DRAXIN: variants seen among roughly 807,000 people sequenced by gnomAD.
DRAXIN encodes dorsal inhibitory axon guidance protein.
A neutral mutation model predicts 33.9 loss-of-function variants in DRAXIN; 27 were observed. That is an observed-to-expected ratio of 0.80 (90% CI 0.59 to 1.10). DRAXIN has a LOEUF of 1.10. Ranked by LOEUF, DRAXIN falls within the 50% of genes least tolerant of loss-of-function variation. The probability of loss-of-function intolerance (pLI) is 0.00; values close to 1 mark genes in which losing one functional copy is unlikely to be tolerated. For missense variants in DRAXIN, 371 were observed against 460.8 expected (o/e 0.81, Z 1.78); for synonymous variants, 178 against 194.0 (o/e 0.92, Z 0.69).
At chr1:11,698,470 A>G (rs188896755) in intron 1 of DRAXIN, among the ~76,000 whole-genome samples, 216 of 152,326 alleles carry the variant, frequency 1.4e-3, no homozygotes, top group Non-Finnish European at 2.6e-3. Context: ...TCCGGACTGC[A>G]CTGCCCATCT....
chr1:11,725,282 C>T lies in DRAXIN; in HGVS notation c.*5586C>T, dbSNP rs1215797643. ...AGTGAGCCATGATCGCACCACTGCACTCCAGCTTAGGCAATACAGCGAGAC... is the reference window on the plus strand; with the variant it reads ...AGTGAGCCATGATCGCACCACTGCATTCCAGCTTAGGCAATACAGCGAGAC... On this transcript the variant is annotated 3_prime_UTR_variant, in exon 7 of 7. Coordinates refer to ENST00000294485, the MANE Select transcript of DRAXIN (RefSeq NM_198545.4). The T allele has an allele frequency of 6.6e-6, 1 of 152,196 alleles. No homozygotes were observed. Among genetic ancestry groups the T allele is most frequent in the Non-Finnish European group, 1.5e-5 (1 of 68,072 alleles). 9.4% of individuals were successfully genotyped at this position (152,196 alleles called of 1,614,324 possible). A position where few individuals can be genotyped will look rare whatever the true frequency, so the allele number is the denominator to read the frequency against.
intron 2 of DRAXIN, among the ~76,000 whole-genome samples, chr1:11,708,338 G>A (rs1275474523): frequency 1.3e-5 from 2 of 152,212 alleles, no homozygotes; most frequent in African/African-American, 2.4e-5. Context: ...CAGGCTGGGC[G>A]TGGTGGCTCA....
intron 6 of DRAXIN, among the ~76,000 whole-genome samples, chr1:11,715,418 A>T (rs1453076678): frequency 1.3e-5 from 2 of 152,028 alleles, no homozygotes; most frequent in Non-Finnish European, 2.9e-5. Flanking sequence ...CAATCTGTGA[A>T]CTCATTTAGT....
chr1:11,700,263 A>G (rs1300909064), intron 1 of DRAXIN, among the ~76,000 whole-genome samples: 1 of 152,232 alleles, frequency 6.6e-6, no homozygotes, highest in East Asian at 1.9e-4. Context: ...AAAGTAAACC[A>G]ATGAGAAAAA....
chr1:11,717,507 C>T (rs1160666528), intron 6 of DRAXIN, among the ~76,000 whole-genome samples: 1 of 151,214 alleles, frequency 6.6e-6, no homozygotes, highest in African/African-American at 2.4e-5. Context: ...ACTAAAAATA[C>T]AAAAATTAGC....
At position 11,706,332 on chromosome 1, in the gene DRAXIN, C is replaced by T. The variant is rs1186383923; in HGVS notation, c.74C>T (p.Ala25Val). 1 of 1,613,828 alleles carries T rather than the reference C, an allele frequency of 6.2e-7. No individual in the cohort carries two copies. The change falls in exon 2 of 7, where the codon GCA becomes GTA. Residue 25 changes from alanine (A) to valine (V), a missense_variant. Physicochemically the swap from Ala to Val is moderately conservative, Grantham distance 64 (BLOSUM62 0). Coordinates refer to ENST00000294485, the MANE Select transcript of DRAXIN (RefSeq NM_198545.4). The surrounding 1 kb of genome is among the most constrained non-coding windows in gnomAD (Gnocchi z 5.5). The stretch of plus-strand genomic sequence containing the variant: ...CTGCTGCCCCTGGAGCTGAGCCTGG[C>T]AGGCGCCCTTGCACCTGGGACCCCT... ...VLLLPLELSL[A>V]GALAPGTPAR... is the part of the protein sequence containing the mutation.
intron 1 of DRAXIN, among the ~76,000 whole-genome samples, chr1:11,699,876 G>A (rs149687744): frequency 0.02 from 3,111 of 152,118 alleles, 96 homozygotes; most frequent in African/African-American, 0.071. Flanking sequence ...GAAGTGAGCC[G>A]AGATGGCGCC....
At chr1:11,687,087 A>G (rs1438731151), upstream of DRAXIN, among the ~76,000 whole-genome samples, 6 of 151,764 alleles carry the variant, frequency 4.0e-5, no homozygotes, top group Admixed American at 3.9e-4. This position sits in a 1 kb window ranked among gnomAD's most constrained non-coding sequence, Gnocchi z 4.1. Context: ...TTTTTTGGAG[A>G]CAGGGTCTCA....
At chr1:11,700,547 C>T (rs1158903408) in intron 1 of DRAXIN, among the ~76,000 whole-genome samples, 1 of 152,232 alleles carries the variant, frequency 6.6e-6, no homozygotes, top group Non-Finnish European at 1.5e-5. Flanking sequence ...ATTTTTACTA[C>T]AGTTTTCAAA....
chr1:11,711,831 C>G lies in DRAXIN; in HGVS notation c.643-20C>G, dbSNP rs1431100991. On this transcript the variant is annotated intron_variant, in intron 3 of 6. Transcript: ENST00000294485. ...CATGGATTTGAAGGTTCCAACATCCCCCTTCTCCACGGTCTCCAGCAGGCA... is the reference window on the plus strand; with the variant it reads ...CATGGATTTGAAGGTTCCAACATCCGCCTTCTCCACGGTCTCCAGCAGGCA... 2.5e-6 allele frequency: 4 copies of G among 1,599,198 alleles called. No individual in the cohort carries two copies. The highest frequency in any genetic ancestry group is 3.4e-6 in the Non-Finnish European group (4 of 1,170,564).
rs1192714622 is a variant in DRAXIN, at chr1:11,719,854, G to A, written c.*158G>A. On this transcript the variant is annotated 3_prime_UTR_variant, in exon 7 of 7. Transcript: ENST00000294485. ...CCAGGAGGGGAGCCGCTCGGCGAAT[G>A]AGCTGGGTGGGTGCCCAGGAGCCGG... The A allele has an allele frequency of 1.0e-5, 7 of 692,202 alleles. No individual in the cohort carries two copies. The East Asian group carries it at 1.7e-4, about 17-fold the overall frequency. 42.9% of individuals were successfully genotyped at this position (692,202 alleles called of 1,614,324 possible).
intron 2 of DRAXIN, among the ~76,000 whole-genome samples, chr1:11,707,968 C>A (rs1235019477): frequency 1.3e-5 from 2 of 152,206 alleles, no homozygotes; most frequent in Non-Finnish European, 2.9e-5. Flanking sequence ...GGTTCTTTGG[C>A]AGGAAGGCAA....
In DRAXIN at chr1:11,696,830, C is replaced by G. The variant is rs1206356471; in HGVS notation, c.-11+4977C>G. 6.6e-6 allele frequency among the ~76,000 whole-genome samples: 1 copy of G among 151,884 alleles called. No individual in the cohort carries two copies. The highest frequency in any genetic ancestry group is 1.5e-5 in the Non-Finnish European group (1 of 67,978). On this transcript the variant is annotated intron_variant, in intron 1 of 6. Transcript: ENST00000294485. The surrounding 1 kb of genome is among the most constrained non-coding windows in gnomAD (Gnocchi z 4.7). ...TGAGCCAAGATCGCGCCACTGCACT[C>G]CAGCCTGGTGACAGAGCAAGACTCT...
At chr1:11,711,340 C>G (rs2100740746) in intron 3 of DRAXIN, among the ~76,000 whole-genome samples, 1 of 151,838 alleles carries the variant, frequency 6.6e-6, no homozygotes, top group African/African-American at 2.4e-5. Flanking sequence ...GTGTGTAGAT[C>G]CAGCTATTGC....
chr1:11,711,319 C>G (rs1419233754), intron 3 of DRAXIN, among the ~76,000 whole-genome samples: 1 of 152,206 alleles, frequency 6.6e-6, no homozygotes, highest in Non-Finnish European at 1.5e-5. Flanking sequence ...CCCTAGTGCT[C>G]GCACATGCCC....
At chr1:11,701,968 G>C (rs1641281349) in intron 1 of DRAXIN, among the ~76,000 whole-genome samples, 1 of 152,132 alleles carries the variant, frequency 6.6e-6, no homozygotes, top group South Asian at 2.1e-4. Context: ...CTTGGAGAGA[G>C]GGGCCCGTGT....
intron 1 of DRAXIN, among the ~76,000 whole-genome samples, chr1:11,697,907 A>G (rs890631985): frequency 2.6e-5 from 4 of 152,110 alleles, no homozygotes. Context: ...AGCCACAGGG[A>G]GGCAGGGAGA....
chr1:11,708,664 T>C (rs1253996841), intron 2 of DRAXIN, among the ~76,000 whole-genome samples: 1 of 152,166 alleles, frequency 6.6e-6, no homozygotes, highest in African/African-American at 2.4e-5. Flanking sequence ...TGTGCTTCAG[T>C]TTCCTTCCCT....
chr1:11,705,591 G>A lies in DRAXIN; in HGVS notation c.-10-658G>A, dbSNP rs527240382. On this transcript the variant is annotated intron_variant, in intron 1 of 6. Transcript: ENST00000294485. The surrounding 1 kb of genome is among the most constrained non-coding windows in gnomAD (Gnocchi z 4.8). The stretch of plus-strand genomic sequence containing the variant: ...TCCTGGGACAGCCACACGGGGTTCA[G>A]GGCTCAGGGACAGGAATGACACAGT... Among the ~76,000 whole-genome samples, 3 of 152,254 alleles carry A rather than the reference G, an allele frequency of 2.0e-5. No individual in the cohort carries two copies. In the South Asian group the frequency reaches 6.2e-4, roughly 32 times the overall value.
Sources: gnomAD v4.1 joint callset for allele counts (sites outside exome capture counted in the v4.1 genomes callset) on GRCh38, gnomAD v4.1.1 for gene constraint, Gnocchi (gnomAD v3.1) non-coding constraint, MANE v1.5 for transcripts, NCBI Gene and HGNC (gene_info 2026-07-23, HGNC 2026-07-21) for gene names.